The following INSR variants were observed in gnomAD, a reference collection of about 807,000 sequenced individuals.
INSR encodes the protein IR.
In INSR, 67 loss-of-function variants were observed where a neutral mutation model predicts 142.6. The ratio of observed to expected loss-of-function variants is 0.47; its 90% CI spans 0.39 to 0.58. The LOEUF is 0.58. Ranked by LOEUF, INSR falls within the 20% of genes least tolerant of loss-of-function variation. The pLI is 0.00. For missense variants in INSR, 1,248 were observed against 1,833.2 expected (o/e 0.68, Z 5.83); for synonymous variants, 756 against 743.1 (o/e 1.02, Z -0.28).
chr19:7,171,057 CT>C (rs1245682278), intron 5 of INSR, among the ~76,000 whole-genome samples: 1 of 152,072 alleles, frequency 6.6e-6, no homozygotes, highest in African/African-American at 2.4e-5. Flanking sequence ...ACAGAGGCAC[CT>C]AAGCTGAGTT....
chr19:7,220,283 C>T (rs1417190214), intron 2 of INSR, among the ~76,000 whole-genome samples: 2 of 152,066 alleles, frequency 1.3e-5, no homozygotes, highest in East Asian at 3.9e-4. Flanking sequence ...AAAGTGAATC[C>T]TATTTTTTTG....
At chr19:7,126,746 C>T (rs148887334) in intron 15 of INSR, 95 bp from the exon 16 acceptor site, 71 of 1,115,324 alleles carry the variant, frequency 6.4e-5, no homozygotes, top group Non-Finnish European at 9.2e-5. Context: ...AATGGCAGCC[C>T]TTACCAGCAG....
chr19:7,251,476 G>A (rs1976726048), intron 2 of INSR, among the ~76,000 whole-genome samples: 1 of 151,690 alleles, frequency 6.6e-6, no homozygotes. Flanking sequence ...GTCCAGGCTG[G>A]TCTCCAACTC....
intron 8 of INSR, among the ~76,000 whole-genome samples, chr19:7,165,121 G>T (rs895500925): frequency 6.9e-6 from 1 of 145,020 alleles, no homozygotes; most frequent in African/African-American, 2.5e-5. Context: ...GTGAGACTCT[G>T]TCTCAAAAAA....
At chr19:7,223,488 G>T (rs144480387) in intron 2 of INSR, among the ~76,000 whole-genome samples, 2 of 152,310 alleles carry the variant, frequency 1.3e-5, no homozygotes, top group East Asian at 3.9e-4. Context: ...ACCAGTAGCA[G>T]GTGGGCTTTT....
Position 7,190,201 on chromosome 19 carries a change from A to C in INSR, c.653-5564T>G, listed in dbSNP as rs113493286. Among the ~76,000 whole-genome samples the C allele has an allele frequency of 2.7e-3, 410 of 151,828 alleles. 4 individuals are homozygous for C. The highest frequency in any genetic ancestry group is 9.5e-3 in the African/African-American group (395 of 41,428). The stretch of plus-strand genomic sequence containing the variant: ...ATCTCTCCTTGCCGAAAAAAAAAAG[A>C]AAAAAATCATCCCCAAAGATTACAG... On this transcript the variant is annotated intron_variant, in intron 2 of 21. Coordinates refer to ENST00000302850, the MANE Select transcript of INSR (RefSeq NM_000208.4).
At chr19:7,170,503 C>T (rs1335687217) in intron 6 of INSR, 34 bp downstream of exon 6, 1 of 1,550,172 alleles carries the variant, frequency 6.5e-7, no homozygotes, top group East Asian at 2.2e-5. Flanking sequence ...ACACCGGTCC[C>T]TCATGCCAAA....
chr19:7,164,214 GT>G (rs1477251814), intron 8 of INSR, among the ~76,000 whole-genome samples: 12 of 151,940 alleles, frequency 7.9e-5, no homozygotes, highest in South Asian at 4.2e-4. Flanking sequence ...TGCATCCTGT[GT>G]GTTGCAGGAC....
In INSR at chr19:7,119,212, G is replaced by A. The variant is rs147707312; in HGVS notation, c.3794+237C>T. Among the ~76,000 whole-genome samples, 2 of 152,268 alleles carry A rather than the reference G, an allele frequency of 1.3e-5. No homozygotes were observed. The highest frequency in any genetic ancestry group is 2.4e-5 in the African/African-American group (1 of 41,548). On this transcript the variant is annotated intron_variant, in intron 21 of 21. Coordinates refer to ENST00000302850, the MANE Select transcript of INSR (RefSeq NM_000208.4). This position sits in a 1 kb window ranked among gnomAD's most constrained non-coding sequence, Gnocchi z 5.2. ...AAATACCTATGTAAATATATAATAT[G>A]CAAACGTAAGCGTACATGTAGCACA...
intron 9 of INSR, among the ~76,000 whole-genome samples, chr19:7,158,060 T>TTAC (rs1349574575): frequency 5.3e-4 from 75 of 142,266 alleles, no homozygotes; most frequent in African/African-American, 1.6e-3. Context: ...ATTATTATTA[T>TTAC]TATTATTATT....
At chr19:7,196,892 G>A (rs939445936) in intron 2 of INSR, among the ~76,000 whole-genome samples, 11 of 152,238 alleles carry the variant, frequency 7.2e-5, no homozygotes, top group Middle Eastern at 3.4e-3. Context: ...ACAGGGCCCC[G>A]CGGCTCTCCC....
intron 21 of INSR, 30 bp from the exon 22 acceptor site, chr19:7,117,440 A>C (rs1287175501): frequency 3.8e-6 from 6 of 1,562,810 alleles, no homozygotes; most frequent in Non-Finnish European, 5.3e-6. Flanking sequence ...GTCCTGGGTG[A>C]GTCTGGGGGC....
chr19:7,275,890 T>G (rs1435790796), intron 1 of INSR, among the ~76,000 whole-genome samples: 5 of 152,054 alleles, frequency 3.3e-5, no homozygotes, highest in African/African-American at 1.2e-4. Context: ...ATACAGAGTA[T>G]TTCCATCAAA....
chr19:7,237,111 T>C (rs1432987845), intron 2 of INSR, among the ~76,000 whole-genome samples: 1 of 151,296 alleles, frequency 6.6e-6, no homozygotes, highest in East Asian at 1.9e-4. Context: ...AGACTACAAA[T>C]TGGGTTCAGT....
chr19:7,158,081 T>G (rs1973647534), intron 9 of INSR, among the ~76,000 whole-genome samples: 1 of 140,178 alleles, frequency 7.1e-6, no homozygotes, highest in African/African-American at 2.7e-5. Flanking sequence ...ATTATTATTA[T>G]TATTATTATT....
intron 21 of INSR, 90 bp from the exon 22 acceptor site, chr19:7,117,500 C>G: frequency 1.1e-6 from 1 of 894,442 alleles, no homozygotes; most frequent in Non-Finnish European, 1.8e-6. Flanking sequence ...CAGCCGACAC[C>G]CACGGACCAC....
intron 2 of INSR, among the ~76,000 whole-genome samples, chr19:7,220,386 G>C (rs1029592151): frequency 6.6e-6 from 1 of 152,180 alleles, no homozygotes; most frequent in Non-Finnish European, 1.5e-5. Flanking sequence ...CGCCTCCCGG[G>C]TTCAAACGAG....
At chr19:7,169,942 G>A (rs3848575) in intron 6 of INSR, among the ~76,000 whole-genome samples, 42,232 of 152,026 alleles carry the variant, frequency 0.28, 7,993 homozygotes, top group African/African-American at 0.54. Flanking sequence ...ACCCCCTGGG[G>A]GTGACTGTGA....
intron 2 of INSR, among the ~76,000 whole-genome samples, chr19:7,211,815 ACTT>A (rs1243444839): frequency 1.3e-5 from 2 of 152,100 alleles, no homozygotes; most frequent in African/African-American, 2.4e-5. Context: ...GAACGAAAAC[ACTT>A]CTTCTGCCAA....
Sources: allele counts gnomAD v4.1 joint callset (sites outside exome capture counted in the v4.1 genomes callset), GRCh38; gene constraint gnomAD v4.1.1; non-coding constraint Gnocchi (gnomAD v3.1); transcripts MANE v1.5; gene names NCBI Gene and HGNC (gene_info 2026-07-23, HGNC 2026-07-21).